The following GABRB2 variants were observed in gnomAD, a reference collection of about 807,000 sequenced individuals.
GABRB2 encodes the protein gamma-aminobutyric acid type A receptor subunit beta2.
A neutral mutation model predicts 54.7 loss-of-function variants in GABRB2; 16 were observed. The observed-to-expected ratio is 0.29, with a 90% CI of 0.20 to 0.44. The LOEUF is 0.44. Ranked by LOEUF, GABRB2 falls within the 20% of genes least tolerant of loss-of-function variation. The pLI, the probability that GABRB2 is intolerant of heterozygous loss-of-function variation, is 1.00. For missense variants in GABRB2, 355 were observed against 644.0 expected, an observed-to-expected ratio of 0.55 and a Z score of 4.86; for synonymous variants, 244 against 233.8, an observed-to-expected ratio of 1.04 and a Z score of -0.40.
chr5:161,351,647 T>G (rs1338572176), intron 5 of GABRB2, among the ~76,000 whole-genome samples: 1 of 152,014 alleles, frequency 6.6e-6, no homozygotes, highest in South Asian at 2.1e-4. Context: ...TGGGCAATAA[T>G]TTTTGGAGCT....
chr5:161,451,449 T>A (rs141334560), intron 4 of GABRB2, among the ~76,000 whole-genome samples: 1 of 152,282 alleles, frequency 6.6e-6, no homozygotes, highest in South Asian at 2.1e-4. Context: ...ACAAAATCAG[T>A]AGGAGTATAT....
chr5:161,505,369 G>A (rs1281697917), intron 3 of GABRB2, among the ~76,000 whole-genome samples: 1 of 152,012 alleles, frequency 6.6e-6, no homozygotes, highest in Non-Finnish European at 1.5e-5. Context: ...GAGCTCTGGT[G>A]ATCCACCCGC....
rs1214906096 is a variant in GABRB2, at chr5:161,381,860, G to T, written c.541+29115C>A. Among the ~76,000 whole-genome samples, 3 of 152,140 alleles carry T rather than the reference G, an allele frequency of 2.0e-5. No homozygotes were observed. In the East Asian group the frequency reaches 5.8e-4, roughly 29 times the overall value. The stretch of plus-strand genomic sequence containing the variant: ...TTTCCTCATCTACTAAATAATGATA[G>T]ATATTTCATACATCTGGTGTGCAGA... On this transcript the variant is annotated intron_variant, in intron 5 of 9. Transcript: ENST00000393959.
chr5:161,403,273 G>C (rs2962394), intron 5 of GABRB2, among the ~76,000 whole-genome samples: 107,028 of 151,954 alleles, frequency 0.7, 39,001 homozygotes, highest in South Asian at 0.81. Flanking sequence ...CTAGGAGTGA[G>C]AGTGAAATAA....
intron 3 of GABRB2, among the ~76,000 whole-genome samples, chr5:161,533,761 T>G (rs1157188183): frequency 1.3e-5 from 2 of 152,142 alleles, no homozygotes; most frequent in South Asian, 4.1e-4. Flanking sequence ...TCATAGAACA[T>G]GGAAAAACAC....
intron 3 of GABRB2, among the ~76,000 whole-genome samples, chr5:161,515,357 T>G (rs1759905225): frequency 1.3e-5 from 2 of 152,270 alleles, no homozygotes; most frequent in East Asian, 3.9e-4. Context: ...TATGTTCTTT[T>G]CTATTCGGGG....
In GABRB2 at chr5:161,332,023, G is replaced by A. The variant is rs188920817; in HGVS notation, c.833-896C>T. Among the ~76,000 whole-genome samples, 998 of 151,796 alleles carry A rather than the reference G, an allele frequency of 6.6e-3. 10 individuals are homozygous for A. Among genetic ancestry groups the A allele is most frequent in the African/African-American group, 0.019 (771 of 41,438 alleles). ...TACTAAAAATACAAAAAAATTAGCC[G>A]GGCGTGATGGCGGGCGCCTGTAGTC... is the stretch of plus-strand genomic sequence containing the variant. On this transcript the variant is annotated intron_variant, in intron 7 of 9. Transcript: ENST00000393959.
At chr5:161,423,375 T>C (rs964482421) in intron 4 of GABRB2, among the ~76,000 whole-genome samples, 2 of 152,198 alleles carry the variant, frequency 1.3e-5, no homozygotes, top group African/African-American at 2.4e-5. Flanking sequence ...AATTGAAATT[T>C]TGTGGTAACC....
chr5:161,463,755 G>GAAGAT (rs1758198401), intron 3 of GABRB2, among the ~76,000 whole-genome samples: 1 of 150,494 alleles, frequency 6.6e-6, no homozygotes, highest in Non-Finnish European at 1.5e-5. Context: ...AAACAGAAGA[G>GAAGAT]TCTAAAAGTA....
intron 3 of GABRB2, among the ~76,000 whole-genome samples, chr5:161,544,979 C>A (rs568951228): frequency 1.3e-5 from 2 of 152,054 alleles, no homozygotes; most frequent in African/African-American, 4.8e-5. Context: ...CACGTGGTTG[C>A]GTTTTACACA....
chr5:161,472,322 C>T (rs190909830), intron 3 of GABRB2, among the ~76,000 whole-genome samples: 2 of 151,800 alleles, frequency 1.3e-5, no homozygotes, highest in African/African-American at 4.8e-5. Flanking sequence ...TACTAAGCTG[C>T]CTCTGGAACA....
chr5:161,515,196 A>T (rs1329239232), intron 3 of GABRB2, among the ~76,000 whole-genome samples: 1 of 152,110 alleles, frequency 6.6e-6, no homozygotes, highest in African/African-American at 2.4e-5. Flanking sequence ...CCTTCTTATC[A>T]TTCCCACATT....
chr5:161,478,057 T>A (rs1758649569), intron 3 of GABRB2, among the ~76,000 whole-genome samples: 2 of 152,166 alleles, frequency 1.3e-5, no homozygotes, highest in African/African-American at 4.8e-5. Context: ...AGCAAACTTT[T>A]CTATGTTTTT....
chr5:161,348,027 C>CTA (rs1257635808), intron 5 of GABRB2, among the ~76,000 whole-genome samples: 1 of 152,012 alleles, frequency 6.6e-6, no homozygotes, highest in East Asian at 1.9e-4. Context: ...CCCCGCCCTG[C>CTA]TATACATGGG....
intron 4 of GABRB2, among the ~76,000 whole-genome samples, chr5:161,445,305 T>C (rs892557455): frequency 6.6e-6 from 1 of 152,188 alleles, no homozygotes; most frequent in Non-Finnish European, 1.5e-5. Context: ...TTTCTCTTCT[T>C]GCAAGCACAG....
At chr5:161,415,437 A>G (rs1052757240) in intron 4 of GABRB2, among the ~76,000 whole-genome samples, 2 of 152,218 alleles carry the variant, frequency 1.3e-5, no homozygotes, top group African/African-American at 4.8e-5. Context: ...AACACAGAGC[A>G]AGAAAACAAA....
At chr5:161,328,518 G>A (rs188436682) in intron 8 of GABRB2, among the ~76,000 whole-genome samples, 4 of 152,054 alleles carry the variant, frequency 2.6e-5, no homozygotes, top group African/African-American at 7.2e-5. Flanking sequence ...TTTGTCTACT[G>A]TCACCCAGTT....
chr5:161,370,324 C>T (rs1022940786), intron 5 of GABRB2, among the ~76,000 whole-genome samples: 1 of 152,172 alleles, frequency 6.6e-6, no homozygotes, highest in African/African-American at 2.4e-5. Flanking sequence ...GCTCAGTCTA[C>T]CCATCACAGT....
intron 9 of GABRB2, among the ~76,000 whole-genome samples, chr5:161,325,461 C>A (rs1380923984): frequency 6.6e-6 from 1 of 152,006 alleles, no homozygotes; most frequent in Non-Finnish European, 1.5e-5. Context: ...CCATTCTGTC[C>A]CCTACCCCAA....
Sources: gnomAD v4.1 joint callset for allele counts (sites outside exome capture counted in the v4.1 genomes callset) on GRCh38, gnomAD v4.1.1 for gene constraint, MANE v1.5 for transcripts, NCBI Gene and HGNC (gene_info 2026-07-23, HGNC 2026-07-21) for gene names.